Variants in PTPN13 observed in about 807,000 individuals in gnomAD.
PTPN13 encodes the protein tyrosine-protein phosphatase non-receptor type 13.
In PTPN13, 191 loss-of-function variants were observed where a neutral mutation model predicts 284.0. That is an observed-to-expected ratio of 0.67 (90% confidence interval 0.60 to 0.76). The LOEUF is 0.76. Ranked by LOEUF, PTPN13 falls within the 30% of genes least tolerant of loss-of-function variation. The pLI is 0.00. For missense variants in PTPN13, 2,797 were observed against 2,939.9 expected, an observed-to-expected ratio of 0.95 and a Z score of 1.12; for synonymous variants, 986 against 1,022.3, an observed-to-expected ratio of 0.96 and a Z score of 0.68.
chr4:86,596,085 GTTTA>G (rs1177844174), intron 1 of PTPN13, among the ~76,000 whole-genome samples: 6 of 152,090 alleles, frequency 3.9e-5, no homozygotes, highest in Admixed American at 3.9e-4. Flanking sequence ...GTCCAATCTT[GTTTA>G]TTATACTTTG....
chr4:86,760,042 G>T (rs1275747374), intron 23 of PTPN13, among the ~76,000 whole-genome samples: 2 of 152,050 alleles, frequency 1.3e-5, no homozygotes, highest in Non-Finnish European at 2.9e-5. Flanking sequence ...ACATGAACAT[G>T]TTATATGTTG....
chr4:86,753,732 T>C (rs1160512668), intron 20 of PTPN13, among the ~76,000 whole-genome samples: 1 of 152,108 alleles, frequency 6.6e-6, no homozygotes, highest in Non-Finnish European at 1.5e-5. Flanking sequence ...TATTTTCATA[T>C]ACATTATCTT....
chr4:86,672,408 A>T lies in PTPN13; in HGVS notation c.159A>T (p.Pro53=). ...CTGCCCTTGGCTTCATCATTTCTCC[A>T]TGGTCTCTGCTGTTGCTGCCATCTG... The part of the protein sequence containing the change: ...DPAALGFIIS[P]WSLLLLPSGS... The change falls in exon 3 of 48, where the codon CCA becomes CCT. Residue 53 remains proline, a synonymous_variant. Coordinates refer to ENST00000411767, the MANE Select transcript of PTPN13 (RefSeq NM_080683.3). The T allele has an allele frequency of 6.4e-7, 1 of 1,558,220 alleles. No individual in the cohort carries two copies. The highest frequency in any genetic ancestry group is 1.4e-5 in the African/African-American group (1 of 73,576).
chr4:86,655,881 A>G (rs999109065), intron 2 of PTPN13, among the ~76,000 whole-genome samples: 3 of 152,196 alleles, frequency 2.0e-5, no homozygotes, highest in Admixed American at 1.3e-4. Context: ...AGGTACACCA[A>G]TCAGACGTAG....
At position 86,750,498 on chromosome 4, in the gene PTPN13, C is replaced by T; in HGVS notation, c.2679C>T (p.Leu893=). The T allele has an allele frequency of 6.2e-7, 1 of 1,613,586 alleles. No homozygotes were observed. Among genetic ancestry groups the T allele is most frequent in the Non-Finnish European group, 8.5e-7 (1 of 1,179,718 alleles). Residue 893 remains leucine, a synonymous_variant, in exon 18 of 48, where the codon CTC becomes CTT. Coordinates refer to ENST00000411767, the MANE Select transcript of PTPN13 (RefSeq NM_080683.3). ...GAGCTTCGTTTAGGAGCCTGAATCTCCAAGCAGAGTCTGTTAGAGGATTTA... is the reference window on the plus strand; with the variant it reads ...GAGCTTCGTTTAGGAGCCTGAATCTTCAAGCAGAGTCTGTTAGAGGATTTA... The part of the protein sequence containing the change: ...IERASFRSLN[L]QAESVRGFNM...
intron 2 of PTPN13, among the ~76,000 whole-genome samples, chr4:86,642,374 G>A (rs1417899280): frequency 6.7e-6 from 1 of 149,970 alleles, no homozygotes; most frequent in African/African-American, 2.4e-5. Context: ...ATTTTACTAA[G>A]AATCTTCCTG....
intron 1 of PTPN13, among the ~76,000 whole-genome samples, chr4:86,618,857 A>G (rs1352956377): frequency 6.6e-6 from 1 of 152,188 alleles, no homozygotes; most frequent in Non-Finnish European, 1.5e-5. Context: ...TAGGTATACA[A>G]TCATGTCGTC....
chr4:86,716,949 G>T (rs1025927375), intron 8 of PTPN13, 75 bp from the exon 9 acceptor site: 1 of 976,212 alleles, frequency 1.0e-6, no homozygotes, highest in Middle Eastern at 2.3e-4. Context: ...TGTCTGCTAA[G>T]TGTTTGAGTT....
chr4:86,720,270 G>C (rs1267937431), intron 9 of PTPN13, among the ~76,000 whole-genome samples: 2 of 152,072 alleles, frequency 1.3e-5, no homozygotes, highest in Non-Finnish European at 2.9e-5. Context: ...TAATTTTCTT[G>C]ATAAGGAACC....
At position 86,735,541 on chromosome 4, in the gene PTPN13, G is replaced by A. The variant is rs1565447133; in HGVS notation, c.2152-53G>A. 11 of 1,581,866 alleles carry A rather than the reference G, an allele frequency of 7.0e-6. No individual in the cohort carries two copies. In the East Asian group the frequency reaches 2.2e-4, roughly 32 times the overall value. The stretch of plus-strand genomic sequence containing the variant: ...AGAACTTTAAGATAGAAGGAAAAGG[G>A]TTTACTCCAATAAAAGGCAAACAAT... On this transcript the variant is annotated intron_variant, in intron 14 of 47. Transcript: ENST00000411767.
intron 23 of PTPN13, among the ~76,000 whole-genome samples, chr4:86,760,310 A>G (rs1738532114): frequency 6.6e-6 from 1 of 152,216 alleles, no homozygotes; most frequent in East Asian, 1.9e-4. Flanking sequence ...ATGTTGTAAC[A>G]TACTTCTAAG....
intron 7 of PTPN13, 102 bp from the exon 8 acceptor site, chr4:86,716,428 T>G: frequency 1.5e-6 from 1 of 682,620 alleles, no homozygotes; most frequent in Non-Finnish European, 2.4e-6. Context: ...TTTAAAGCAA[T>G]GTATAAAATG....
chr4:86,693,756 G>C (rs1730287712), intron 6 of PTPN13, 82 bp downstream of exon 6: 1 of 971,076 alleles, frequency 1.0e-6, no homozygotes, highest in Non-Finnish European at 1.5e-6. Flanking sequence ...ACCTGGCTTT[G>C]AAATCTGGTA....
intron 20 of PTPN13, among the ~76,000 whole-genome samples, chr4:86,756,593 A>C (rs902645374): frequency 2.0e-5 from 3 of 152,120 alleles, no homozygotes; most frequent in Non-Finnish European, 4.4e-5. Context: ...AGATCTAGCA[A>C]ACTTGCATCA....
At position 86,745,057 on chromosome 4, in the gene PTPN13, T is replaced by G. The variant is rs1736583205; in HGVS notation, c.2579T>G (p.Leu860Arg). Residue 860 changes from leucine (L) to arginine (R), a missense_variant, in exon 17 of 48, where the codon CTC becomes CGC. Coordinates refer to ENST00000411767, the MANE Select transcript of PTPN13 (RefSeq NM_080683.3). ...NSKICQYLLHLCSYQHKFQLQ... is the reference protein window; with the variant it reads ...NSKICQYLLHRCSYQHKFQLQ... ...AAGATATGCCAGTACCTGCTGCACC[T>G]CTGCTCTTACCAGCATAAGTTCCAG... 6.2e-7 allele frequency: 1 copy of G among 1,611,790 alleles called. No individual in the cohort carries two copies. Among genetic ancestry groups the G allele is most frequent in the Admixed American group, 1.7e-5 (1 of 59,776 alleles).
At chr4:86,746,811 A>G (rs913082584) in intron 17 of PTPN13, among the ~76,000 whole-genome samples, 5 of 152,074 alleles carry the variant, frequency 3.3e-5, no homozygotes, top group African/African-American at 9.7e-5. Context: ...TTGTATTTTT[A>G]GTAGAGACGG....
intron 20 of PTPN13, 145 bp from the exon 21 acceptor site, chr4:86,758,115 G>A: frequency 2.0e-6 from 1 of 509,274 alleles, no homozygotes; most frequent in Middle Eastern, 5.1e-4. Flanking sequence ...AATATAAAAT[G>A]TTAACAGTAT....
intron 3 of PTPN13, among the ~76,000 whole-genome samples, chr4:86,679,258 A>T (rs550367661): frequency 1.1e-4 from 16 of 152,252 alleles, no homozygotes; most frequent in African/African-American, 3.9e-4. Flanking sequence ...TTTACTGTAG[A>T]TGTGAAGCTT....
intron 7 of PTPN13, among the ~76,000 whole-genome samples, chr4:86,711,098 C>CTTTTT (rs58186398): frequency 6.2e-5 from 6 of 97,132 alleles, no homozygotes; most frequent in East Asian, 3.1e-4. Context: ...TAATTATTGC[C>CTTTTT]TTTTTTTTTT....
Sources: allele counts gnomAD v4.1 joint callset (sites outside exome capture counted in the v4.1 genomes callset), GRCh38; gene constraint gnomAD v4.1.1; transcripts MANE v1.5; gene names NCBI Gene and HGNC (gene_info 2026-07-23, HGNC 2026-07-21).